UGGT2: variants seen among roughly 807,000 people sequenced by gnomAD.
UGGT2 encodes the protein UDP-glucose:glycoprotein glucosyltransferase 2.
Under a neutral mutation model 192.1 loss-of-function variants are expected in UGGT2, and 180 were observed. The observed-to-expected ratio is 0.94, with a 90% CI of 0.83 to 1.06. The LOEUF is 1.06. UGGT2 is among the 50% of genes least tolerant of loss of function. The pLI, the probability that UGGT2 is intolerant of heterozygous loss-of-function variation, is 0.00. For synonymous variants in UGGT2, 580 were observed against 591.0 expected (o/e 0.98, Z 0.27); for missense variants, 1,849 against 1,795.7 (o/e 1.03, Z -0.54).
chr13:95,952,220 A>G (rs982684374), intron 12 of UGGT2, among the ~76,000 whole-genome samples: 11 of 152,104 alleles, frequency 7.2e-5, no homozygotes. Flanking sequence ...AAAAGAAGAA[A>G]AAAAGAAATT....
At chr13:95,867,480 G>A (rs1376769425) in intron 29 of UGGT2, 57 bp from the exon 30 acceptor site, 3 of 1,381,828 alleles carry the variant, frequency 2.2e-6, no homozygotes, top group Non-Finnish European at 3.0e-6. Context: ...CAATTATGAT[G>A]GCATAACAGA....
chr13:95,917,228 G>C (rs994874344), intron 20 of UGGT2, among the ~76,000 whole-genome samples: 1 of 152,144 alleles, frequency 6.6e-6, no homozygotes, highest in African/African-American at 2.4e-5. Flanking sequence ...AGCCAGAAGA[G>C]ATTGGAGCCA....
At chr13:96,041,998 C>G (rs2053178257) in intron 1 of UGGT2, among the ~76,000 whole-genome samples, 1 of 152,146 alleles carries the variant, frequency 6.6e-6, no homozygotes, top group Non-Finnish European at 1.5e-5. Context: ...CACCCACTGC[C>G]TGATCCTCCC....
chr13:95,966,981 A>G (rs1413221924), intron 12 of UGGT2, among the ~76,000 whole-genome samples: 1 of 152,214 alleles, frequency 6.6e-6, no homozygotes, highest in African/African-American at 2.4e-5. Flanking sequence ...TGTAAAATTT[A>G]TAACGCTTCT....
chr13:95,977,647 A>G (rs1225712137), intron 10 of UGGT2, among the ~76,000 whole-genome samples: 1 of 152,222 alleles, frequency 6.6e-6, no homozygotes, highest in Non-Finnish European at 1.5e-5. Flanking sequence ...TTCCTCAAGA[A>G]TCTAGAACCA....
intron 12 of UGGT2, among the ~76,000 whole-genome samples, chr13:95,963,143 C>T (rs554480097): frequency 7.9e-5 from 12 of 152,102 alleles, no homozygotes; most frequent in African/African-American, 2.9e-4. Flanking sequence ...AACACAGATG[C>T]ACAAATTCTC....
intron 4 of UGGT2, among the ~76,000 whole-genome samples, chr13:96,022,606 AAATT>A (rs1316100853): frequency 1.3e-5 from 2 of 151,926 alleles, no homozygotes; most frequent in African/African-American, 4.8e-5. Flanking sequence ...AATCACTAAT[AAATT>A]AATAATTTAC....
chr13:95,998,313 A>C (rs1038464457), intron 6 of UGGT2, among the ~76,000 whole-genome samples: 11 of 152,220 alleles, frequency 7.2e-5, no homozygotes, highest in African/African-American at 2.7e-4. Flanking sequence ...GTAAATTATA[A>C]AGCATTGTAG....
chr13:95,927,763 T>C (rs2049075849), intron 17 of UGGT2, among the ~76,000 whole-genome samples: 1 of 152,188 alleles, frequency 6.6e-6, no homozygotes, highest in South Asian at 2.1e-4. Context: ...GGTCAGCAGA[T>C]AAACTTGTGA....
At chr13:96,032,962 T>C (rs968295188) in intron 1 of UGGT2, among the ~76,000 whole-genome samples, 13 of 152,202 alleles carry the variant, frequency 8.5e-5, no homozygotes, top group African/African-American at 3.1e-4. Context: ...ACCAAACAGC[T>C]ACAGACATGC....
chr13:95,995,992 C>T lies in UGGT2; in HGVS notation c.830+71G>A, dbSNP rs953614727. 32 of 1,311,018 alleles carry T rather than the reference C, an allele frequency of 2.4e-5. No individual in the cohort carries two copies. The African/African-American group carries it at 4.2e-4, about 17-fold the overall frequency. 81.2% of individuals were successfully genotyped at this position (1,311,018 alleles called of 1,614,324 possible). On this transcript the variant is annotated intron_variant, in intron 7 of 38. Transcript: ENST00000376747. ...AAGAAAGGTGAAGCATATGGCAAAA[C>T]AGTATATCAAATTAATTCCTTAAAA...
intron 24 of UGGT2, among the ~76,000 whole-genome samples, chr13:95,893,850 C>A (rs573700772): frequency 5.3e-5 from 8 of 152,156 alleles, no homozygotes; most frequent in Non-Finnish European, 8.8e-5. Context: ...ATTAAACAGC[C>A]TTTTATTTCC....
rs1389296619 is a variant in UGGT2, at chr13:95,854,477, T to C, written c.4009-2A>G. ...TTCTTTTAGATCATGTCTCACAATC[T>C]AAATAATTAAAATAGACTGTCTGAT... is the stretch of plus-strand genomic sequence containing the variant. On this transcript the variant is annotated splice_acceptor_variant, in intron 34 of 38. Transcript: ENST00000376747. LOFTEE classifies it high-confidence loss of function. 6.3e-7 allele frequency: 1 copy of C among 1,599,190 alleles called. No individual in the cohort carries two copies. Among genetic ancestry groups the C allele is most frequent in the Non-Finnish European group, 8.5e-7 (1 of 1,174,448 alleles).
chr13:95,824,019 G>A (rs563220881), intron 38 of UGGT2, among the ~76,000 whole-genome samples: 14 of 152,072 alleles, frequency 9.2e-5, no homozygotes, highest in African/African-American at 3.4e-4. Flanking sequence ...TTTCTCTTTC[G>A]TTTATGAAAG....
intron 20 of UGGT2, among the ~76,000 whole-genome samples, chr13:95,908,397 A>G (rs1053515688): frequency 1.3e-5 from 2 of 152,188 alleles, no homozygotes; most frequent in Non-Finnish European, 2.9e-5. Context: ...AAATACAGAG[A>G]ACATCACAAA....
chr13:95,927,050 G>T lies in UGGT2; in HGVS notation c.2178C>A (p.Asn726Lys), dbSNP rs1219030197. The T allele has an allele frequency of 6.2e-7, 1 of 1,609,390 alleles. No homozygotes were observed. The highest frequency in any genetic ancestry group is 8.5e-7 in the Non-Finnish European group (1 of 1,178,596). ...TACCGTCTTGGGTTAAATAATACATGTTCTTTGCAATTACAGCACTCTTAT... is the reference window on the plus strand; with the variant it reads ...TACCGTCTTGGGTTAAATAATACATTTTCTTTGCAATTACAGCACTCTTAT... Reference protein sequence around the residue: ...SQDKSAVIAKNMYYLTQDDES... With the variant: ...SQDKSAVIAKKMYYLTQDDES... Residue 726 changes from asparagine (N) to lysine (K), a missense_variant, in exon 19 of 39, where the codon AAC becomes AAA. Asn to Lys is a moderately conservative substitution (Grantham distance 94). Transcript: ENST00000376747.
At chr13:95,914,531 T>G (rs537533165) in intron 20 of UGGT2, among the ~76,000 whole-genome samples, 1 of 146,672 alleles carries the variant, frequency 6.8e-6, no homozygotes, top group Admixed American at 7.1e-5. Context: ...TCCCAGCACT[T>G]TGGGAGGCTG....
rs146037885 is a variant in UGGT2, at chr13:95,815,809, CA to C, written c.4529-13998del. Among the ~76,000 whole-genome samples, 98 of 152,304 alleles carry C rather than the reference CA, an allele frequency of 6.4e-4. No individual in the cohort carries two copies. The East Asian group carries it at 0.016, about 25-fold the overall frequency. ...ATATGGTTTGGATCTGTGTCCTCAC[CA>C]AATCTCATCCCCAGTGTTGGAGGTG... On this transcript the variant is annotated intron_variant, in intron 38 of 38. Transcript: ENST00000376747.
chr13:95,925,742 T>C lies in UGGT2; in HGVS notation c.2233A>G (p.Ile745Val). Residue 745 changes from isoleucine to valine, a missense_variant, in exon 20 of 39, where the codon ATT (isoleucine) becomes GTT (valine). Physicochemically the swap from Ile to Val is conservative, Grantham distance 29 (BLOSUM62 3). Transcript: ENST00000376747. ...GAAGGCTTATCAAAATCTGCAATAATCCAGAGAGTGACTGCAGAAATTATA... is the reference window on the plus strand; with the variant it reads ...GAAGGCTTATCAAAATCTGCAATAACCCAGAGAGTGACTGCAGAAATTATA... ...ESIISAVTLWIIADFDKPSGR... is the reference protein window; with the variant it reads ...ESIISAVTLWVIADFDKPSGR... The C allele has an allele frequency of 6.4e-7, 1 of 1,572,804 alleles. No homozygotes were observed. Among genetic ancestry groups the C allele is most frequent in the East Asian group, 2.3e-5 (1 of 44,060 alleles).
Sources: gnomAD v4.1 joint callset for allele counts (sites outside exome capture counted in the v4.1 genomes callset) on GRCh38, gnomAD v4.1.1 for gene constraint, MANE v1.5 for transcripts, NCBI Gene and HGNC (gene_info 2026-07-23, HGNC 2026-07-21) for gene names.